DLL4: variants seen among roughly 807,000 people sequenced by gnomAD.
The protein encoded by DLL4 is delta like canonical Notch ligand 4.
In DLL4, 7 loss-of-function variants were observed where a neutral mutation model predicts 73.6. The observed-to-expected ratio is 0.10, with a 90% CI of 0.05 to 0.18. DLL4 has a LOEUF of 0.18. Among genes scored for constraint, DLL4 ranks in the 10% least tolerant of loss-of-function variants. DLL4 has a pLI of 1.00. For missense variants in DLL4, 614 were observed against 929.9 expected (o/e 0.66, Z 4.42); for synonymous variants, 345 against 374.3 (o/e 0.92, Z 0.90).
Position 40,937,590 on chromosome 15 carries a change from G to T in DLL4, c.2052+64G>T. 4 of 1,206,744 alleles carry T rather than the reference G, an allele frequency of 3.3e-6. No individual in the cohort carries two copies. In the South Asian group the frequency reaches 4.8e-5, roughly 15 times the overall value. The allele number at this position is 1,206,744 out of a possible 1,614,324, so 74.8% of individuals were successfully genotyped here. A position where few individuals can be genotyped will look rare whatever the true frequency, so the allele number is the denominator to read the frequency against. On this transcript the variant is annotated intron_variant, in intron 10 of 10. Coordinates refer to ENST00000249749, the MANE Select transcript of DLL4 (RefSeq NM_019074.4). ...GAGGGAAAGTGGCCTGGTCACTCTT[G>T]ACCCATGGGCCATTCCTGAAGGGTA...
rs1015122304 is a variant in DLL4 at position 40,938,599 on chromosome 15, C to T, written c.*565C>T. ...GGGAGTGCTTTCTGCCCCATGCCTC[C>T]AACTACTGTATGCAGGCCTGGCTCT... On this transcript the variant is annotated 3_prime_UTR_variant, in exon 11 of 11. Transcript: ENST00000249749. The T allele has an allele frequency of 6.5e-6, 1 of 152,726 alleles. No individual in the cohort carries two copies. Among genetic ancestry groups the T allele is most frequent in the Non-Finnish European group, 1.5e-5 (1 of 68,246 alleles). The allele number at this position is 152,726 out of a possible 1,614,324, so 9.5% of individuals were successfully genotyped here. A position where few individuals can be genotyped will look rare whatever the true frequency, so the allele number is the denominator to read the frequency against.
chr15:40,936,086 C>G, intron 8 of DLL4, 142 bp from the exon 9 acceptor site: 1 of 685,100 alleles, frequency 1.5e-6, no homozygotes, highest in Non-Finnish European at 2.4e-6. Flanking sequence ...TCCAGGTCTC[C>G]TGACTCTGTG....
At chr15:40,933,404 C>T (rs1002504603) in intron 6 of DLL4, among the ~76,000 whole-genome samples, 2 of 152,156 alleles carry the variant, frequency 1.3e-5, no homozygotes, top group Non-Finnish European at 2.9e-5. Context: ...GTCATATACT[C>T]ATCATATGCA....
In DLL4 at chr15:40,929,747, G is replaced by T; in HGVS notation, c.66+13G>T. On this transcript the variant is annotated intron_variant, in intron 1 of 10. Transcript: ENST00000249749. This position sits in a 1 kb window ranked among gnomAD's most constrained non-coding sequence, Gnocchi z 7.1. ...ACTTTGGCAGCAGGTAACACGTCCC[G>T]CGCCCTCTCCGTCCCCTCTGCCGCG... is the stretch of plus-strand genomic sequence containing the variant. 1 of 1,599,212 alleles carries T rather than the reference G, an allele frequency of 6.3e-7. No homozygotes were observed. Among genetic ancestry groups the T allele is most frequent in the East Asian group, 2.2e-5 (1 of 44,518 alleles).
Position 40,930,755 on chromosome 15 carries a change from G to A in DLL4, c.394+73G>A. 1 of 1,484,270 alleles carries A rather than the reference G, an allele frequency of 6.7e-7. No homozygotes were observed. Among genetic ancestry groups the A allele is most frequent in the Non-Finnish European group, 9.3e-7 (1 of 1,077,444 alleles). 91.9% of individuals were successfully genotyped at this position (1,484,270 alleles called of 1,614,324 possible). ...CGAAAGAGTTAATCTGTTCTAGGCG[G>A]GGGAAGTGCGGGCTTGGGGGTGGGA... On this transcript the variant is annotated intron_variant, in intron 3 of 10. Coordinates refer to ENST00000249749, the MANE Select transcript of DLL4 (RefSeq NM_019074.4). The surrounding 1 kb of genome is among the most constrained non-coding windows in gnomAD (Gnocchi z 5.7).
chr15:40,930,369 T>C lies in DLL4; in HGVS notation c.336+253T>C, dbSNP rs551500695. 6.3e-6 allele frequency: 4 copies of C among 635,040 alleles called. No homozygotes were observed. The highest frequency in any genetic ancestry group is 2.9e-5 in the Admixed American group (1 of 34,536). 39.3% of individuals were successfully genotyped at this position (635,040 alleles called of 1,614,324 possible). A position where few individuals can be genotyped will look rare whatever the true frequency, so the allele number is the denominator to read the frequency against. On this transcript the variant is annotated intron_variant, in intron 2 of 10. Transcript: ENST00000249749. This position sits in a 1 kb window ranked among gnomAD's most constrained non-coding sequence, Gnocchi z 5.7. ...ACACGATTTTCATTACCTACCACTC[T>C]GGGGCGGTACCCTACCACCCCCTCC...
chr15:40,936,078 C>A, intron 8 of DLL4, 150 bp from the exon 9 acceptor site: 1 of 643,750 alleles, frequency 1.6e-6, no homozygotes, highest in South Asian at 2.1e-5. Context: ...TGCTAAACTC[C>A]AGGTCTCCTG....
chr15:40,934,290 C>A (rs1303525192), intron 6 of DLL4, among the ~76,000 whole-genome samples: 1 of 146,592 alleles, frequency 6.8e-6, no homozygotes, highest in Non-Finnish European at 1.5e-5. Flanking sequence ...CACATCACTG[C>A]ACTCCAGCCT....
chr15:40,934,132 G>A (rs1380934656), intron 6 of DLL4, among the ~76,000 whole-genome samples: 1 of 151,262 alleles, frequency 6.6e-6, no homozygotes, highest in Admixed American at 6.6e-5. Flanking sequence ...AGGAGTTCGA[G>A]ACCATCCTGG....
Position 40,938,088 on chromosome 15 carries a change from T to G in DLL4, c.*54T>G, listed in dbSNP as rs1892870551. ...CAGCCCCGCGGCTGGACCTTCCTTCTGCATTGTTTACATTGCATCCTGGAT... is the reference window on the plus strand; with the variant it reads ...CAGCCCCGCGGCTGGACCTTCCTTCGGCATTGTTTACATTGCATCCTGGAT... On this transcript the variant is annotated 3_prime_UTR_variant, in exon 11 of 11. Transcript: ENST00000249749. The G allele has an allele frequency of 1.3e-6, 2 of 1,503,088 alleles. No homozygotes were observed. The highest frequency in any genetic ancestry group is 1.8e-6 in the Non-Finnish European group (2 of 1,127,186). 93.1% of individuals were successfully genotyped at this position (1,503,088 alleles called of 1,614,324 possible).
At chr15:40,931,937 G>A (rs1186749907) in intron 4 of DLL4, among the ~76,000 whole-genome samples, 171 bp downstream of exon 4, 2 of 152,188 alleles carry the variant, frequency 1.3e-5, no homozygotes, top group Non-Finnish European at 2.9e-5. Flanking sequence ...TCTCTTCCCA[G>A]TGCTCCTCCC....
At chr15:40,931,906 G>T in intron 4 of DLL4, 140 bp downstream of exon 4, 1 of 1,165,418 alleles carries the variant, frequency 8.6e-7, no homozygotes, top group South Asian at 1.5e-5. Context: ...GCTGAGGGTG[G>T]GCTTGACCTC....
chr15:40,936,094 G>A, intron 8 of DLL4, 134 bp from the exon 9 acceptor site: 1 of 714,812 alleles, frequency 1.4e-6, no homozygotes, highest in Non-Finnish European at 2.3e-6. Context: ...TCCTGACTCT[G>A]TGCAGTTCTC....
chr15:40,930,799 G>A lies in DLL4; in HGVS notation c.394+117G>A. On this transcript the variant is annotated intron_variant, in intron 3 of 10. Coordinates refer to ENST00000249749, the MANE Select transcript of DLL4 (RefSeq NM_019074.4). This position sits in a 1 kb window ranked among gnomAD's most constrained non-coding sequence, Gnocchi z 5.7. ...GGTGGGAGGCAGGACGCTTAGCTTG[G>A]CCTGGAGCTGCGCCCCGCGCTGGAC... 1 of 1,038,818 alleles carries A rather than the reference G, an allele frequency of 9.6e-7. No individual in the cohort carries two copies. The highest frequency in any genetic ancestry group is 1.5e-5 in the South Asian group (1 of 68,708). The allele number at this position is 1,038,818 out of a possible 1,614,324, so 64.4% of individuals were successfully genotyped here. A position where few individuals can be genotyped will look rare whatever the true frequency, so the allele number is the denominator to read the frequency against.
At chr15:40,933,540 G>A (rs145587387) in intron 6 of DLL4, among the ~76,000 whole-genome samples, 42 of 152,110 alleles carry the variant, frequency 2.8e-4, no homozygotes, top group East Asian at 2.7e-3. Flanking sequence ...AAAAATGCCC[G>A]ATTACTGCCT....
Position 40,934,652 on chromosome 15 carries a change from G to C in DLL4, c.955G>C (p.Val319Leu). The change falls in exon 7 of 11, where the codon GTG becomes CTG. Residue 319 changes from valine (V) to leucine (L), a missense_variant. This residue lies in a region of DLL4 where 386 missense variants were observed against 541.3 expected (regional missense o/e 0.71). Coordinates refer to ENST00000249749, the MANE Select transcript of DLL4 (RefSeq NM_019074.4). ...TCTCRPGYTG[V>L]DCELELSECD... ...CACCTGTCGCCCAGGCTACACTGGT[G>C]TGGACTGTGAGCTGGAGCTCAGCGA... 6.2e-7 allele frequency: 1 copy of C among 1,613,948 alleles called. No homozygotes were observed. Among genetic ancestry groups the C allele is most frequent in the Non-Finnish European group, 8.5e-7 (1 of 1,179,882 alleles).
intron 9 of DLL4, 104 bp downstream of exon 9, chr15:40,937,034 G>A: frequency 1.0e-6 from 1 of 953,292 alleles, no homozygotes; most frequent in South Asian, 1.8e-5. Flanking sequence ...CTGAGGTTTT[G>A]TTACTGACAG....
rs372446567 is a variant in DLL4 at position 40,929,662 on chromosome 15, C to G, written c.-7C>G. 11 of 1,537,262 alleles carry G rather than the reference C, an allele frequency of 7.2e-6. No individual in the cohort carries two copies. The highest frequency in any genetic ancestry group is 9.5e-6 in the Non-Finnish European group (11 of 1,152,072). ...GCCCGCGGGTGGAGAGAGCGACGCC[C>G]GAGGGGATGGCGGCAGCGTCCCGGA... On this transcript the variant is annotated 5_prime_UTR_variant, in exon 1 of 11. Transcript: ENST00000249749. The surrounding 1 kb of genome is among the most constrained non-coding windows in gnomAD (Gnocchi z 7.1).
Position 40,934,029 on chromosome 15 carries a change from A to G in DLL4, c.851-519A>G, listed in dbSNP as rs540183441. Among the ~76,000 whole-genome samples the G allele has an allele frequency of 1.9e-4, 28 of 151,004 alleles. 1 individual carries two copies. Among genetic ancestry groups the G allele is most frequent in the African/African-American group, 6.8e-4 (28 of 41,294 alleles). ...AGACTCCGTCTCAAAAAAAAAAAAA[A>G]AAAAAAAAAAAAGAAACATGATTTT... is the stretch of plus-strand genomic sequence containing the variant. On this transcript the variant is annotated intron_variant, in intron 6 of 10. Transcript: ENST00000249749.
Sources: gnomAD v4.1 joint callset for allele counts (sites outside exome capture counted in the v4.1 genomes callset) on GRCh38, gnomAD v4.1.1 for gene constraint, gnomAD v4.1.1 regional missense constraint, Gnocchi (gnomAD v3.1) non-coding constraint, MANE v1.5 for transcripts, NCBI Gene and HGNC (gene_info 2026-07-23, HGNC 2026-07-21) for gene names.